FNIP2: variants seen among roughly 807,000 people sequenced by gnomAD.
FNIP2 encodes the protein folliculin-interacting protein 2.
FNIP2 carries 32 observed loss-of-function variants against 108.7 expected under a neutral mutation model. The observed-to-expected ratio is 0.29, with a 90% CI of 0.22 to 0.40. The LOEUF is 0.40. FNIP2 is among the 10% of genes least tolerant of loss of function. The pLI, the probability that FNIP2 is intolerant of heterozygous loss-of-function variation, is 1.00. For synonymous variants in FNIP2, 480 were observed against 496.7 expected (o/e 0.97, Z 0.45); for missense variants, 1,202 against 1,381.6 (o/e 0.87, Z 2.06).
rs77283544 is a variant in FNIP2 at position 158,876,463 on chromosome 4, A to G, written c.2949+5994A>G. Among the ~76,000 whole-genome samples the G allele has an allele frequency of 7.2e-3, 1,101 of 152,254 alleles. 75 individuals are homozygous for G. The East Asian group carries it at 0.15, about 20-fold the overall frequency. On this transcript the variant is annotated intron_variant, in intron 14 of 16. Coordinates refer to ENST00000264433, the MANE Select transcript of FNIP2 (RefSeq NM_020840.3). Reference sequence around the variant, plus strand: ...CTGTTTGCCATTCTTTAAATAGTCCACCTTTCCTCACACCTCTCTGCCTAT... The same window carrying G: ...CTGTTTGCCATTCTTTAAATAGTCCGCCTTTCCTCACACCTCTCTGCCTAT...
At chr4:158,858,642 C>T (rs1391234826) in intron 8 of FNIP2, among the ~76,000 whole-genome samples, 1 of 152,128 alleles carries the variant, frequency 6.6e-6, no homozygotes, top group Non-Finnish European at 1.5e-5. Flanking sequence ...AGTACCAGTA[C>T]ATGTTCAAAT....
intron 7 of FNIP2, among the ~76,000 whole-genome samples, chr4:158,847,313 G>A (rs1779460550): frequency 1.3e-5 from 2 of 152,164 alleles, no homozygotes; most frequent in African/African-American, 2.4e-5. Flanking sequence ...CCAACCCCAG[G>A]CAGTGTAGTT....
intron 2 of FNIP2, among the ~76,000 whole-genome samples, chr4:158,828,644 C>T (rs980070124): frequency 2.6e-5 from 4 of 151,708 alleles, no homozygotes; most frequent in African/African-American, 7.2e-5. Flanking sequence ...AAAAACCCTA[C>T]GAGCCAGTCT....
intron 1 of FNIP2, among the ~76,000 whole-genome samples, chr4:158,794,414 G>A (rs920358781): frequency 3.3e-5 from 5 of 152,102 alleles, no homozygotes; most frequent in South Asian, 2.1e-4. Flanking sequence ...AGTGAGCCTC[G>A]GCCTCCCAAA....
chr4:158,780,227 C>A (rs6843714), intron 1 of FNIP2, among the ~76,000 whole-genome samples: 149,322 of 151,800 alleles, frequency 0.98, 73,480 homozygotes, highest in East Asian at 1. Context: ...AAAAGGAAAA[C>A]TATAAAATTC....
At chr4:158,872,641 G>C in intron 14 of FNIP2, 3 of 984,724 alleles carry the variant, frequency 3.0e-6, no homozygotes, top group Non-Finnish European at 3.6e-6. Flanking sequence ...ATTAGCATTA[G>C]TGGATTTCTA....
At chr4:158,871,483 A>G in intron 14 of FNIP2, 1 of 985,364 alleles carries the variant, frequency 1.0e-6, no homozygotes, top group Non-Finnish European at 1.2e-6. Context: ...AAGACCAAAC[A>G]TCAGGCACAG....
chr4:158,890,045 A>C (rs1782205805), intron 14 of FNIP2: 2 of 985,428 alleles, frequency 2.0e-6, no homozygotes, highest in East Asian at 2.3e-4. Flanking sequence ...TATGTGTGTA[A>C]GAAAATCTTT....
At chr4:158,811,670 A>ACG (rs1777283828) in intron 1 of FNIP2, among the ~76,000 whole-genome samples, 1 of 152,072 alleles carries the variant, frequency 6.6e-6, no homozygotes, top group African/African-American at 2.4e-5. Flanking sequence ...ACACACACAC[A>ACG]CACAAACACA....
chr4:158,874,855 G>C (rs1781168630), intron 14 of FNIP2, among the ~76,000 whole-genome samples: 1 of 151,672 alleles, frequency 6.6e-6, no homozygotes, highest in East Asian at 1.9e-4. Flanking sequence ...GAGGTGGGCT[G>C]ATTGCCTGAG....
intron 14 of FNIP2, among the ~76,000 whole-genome samples, chr4:158,884,145 A>T (rs1781886325): frequency 2.0e-5 from 3 of 152,188 alleles, no homozygotes; most frequent in Non-Finnish European, 4.4e-5. Context: ...TAAATGTGGT[A>T]CATAGAAAAG....
chr4:158,845,585 C>T (rs560419265), intron 7 of FNIP2, among the ~76,000 whole-genome samples: 1 of 152,296 alleles, frequency 6.6e-6, no homozygotes, highest in Non-Finnish European at 1.5e-5. Context: ...AAACAAGCTC[C>T]CCAGGTGGCT....
intron 1 of FNIP2, among the ~76,000 whole-genome samples, chr4:158,811,960 C>A (rs567293388): frequency 6.6e-6 from 1 of 152,348 alleles, no homozygotes; most frequent in African/African-American, 2.4e-5. Flanking sequence ...AAGGCAGGAA[C>A]ATGCCTGGTG....
At chr4:158,791,697 CAG>C (rs1776424179) in intron 1 of FNIP2, among the ~76,000 whole-genome samples, 4 of 152,172 alleles carry the variant, frequency 2.6e-5, no homozygotes. Flanking sequence ...AAGGCCAAAA[CAG>C]AGGATAATGC....
rs76992348 is a variant in FNIP2, at chr4:158,794,328, A to T, written c.107+25009A>T. On this transcript the variant is annotated intron_variant, in intron 1 of 16. Transcript: ENST00000264433. ...ACCATGCCAGGCTAATTAAAAAAAA[A>T]TTTTTTTTGTAGACACAGGGTCTCC... 2.6e-4 allele frequency among the ~76,000 whole-genome samples: 39 copies of T among 151,538 alleles called. No homozygotes were observed. In the South Asian group the frequency reaches 4.4e-3, roughly 17 times the overall value.
intron 1 of FNIP2, among the ~76,000 whole-genome samples, chr4:158,815,106 C>G (rs907103885): frequency 4.6e-5 from 7 of 152,156 alleles, no homozygotes; most frequent in Non-Finnish European, 8.8e-5. Context: ...CATTTAGTCA[C>G]CAAAACAGCA....
At chr4:158,844,266 A>G in intron 7 of FNIP2, among the ~76,000 whole-genome samples, 1 of 152,166 alleles carries the variant, frequency 6.6e-6, no homozygotes, top group East Asian at 1.9e-4. Context: ...TGCTCAATGA[A>G]TATTTGAATG....
chr4:158,786,689 G>A (rs1206308246), intron 1 of FNIP2, among the ~76,000 whole-genome samples: 1 of 152,104 alleles, frequency 6.6e-6, no homozygotes, highest in Non-Finnish European at 1.5e-5. Flanking sequence ...GCTCGGTTTG[G>A]GAAAAGGTGC....
chr4:158,889,811 T>A (rs1314757218), intron 14 of FNIP2: 2 of 985,034 alleles, frequency 2.0e-6, no homozygotes, highest in Admixed American at 1.2e-4. Context: ...TTTCCTTTTT[T>A]TTTTTTTTCC....
Sources: allele counts gnomAD v4.1 joint callset (sites outside exome capture counted in the v4.1 genomes callset), GRCh38; gene constraint gnomAD v4.1.1; transcripts MANE v1.5; gene names NCBI Gene and HGNC (gene_info 2026-07-23, HGNC 2026-07-21).